The following STAT1 variants were observed in gnomAD, a reference collection of about 807,000 sequenced individuals.
STAT1 encodes the protein signal transducer and activator of transcription 1, also known as signal transducer and activator of transcription 1-alpha/beta.
In STAT1, 24 loss-of-function variants were observed where a neutral mutation model predicts 111.7. That is an observed-to-expected ratio of 0.21 (90% CI 0.16 to 0.30). STAT1 has a LOEUF of 0.30. Among genes scored for constraint, STAT1 ranks in the 10% least tolerant of loss-of-function variants. STAT1 has a pLI of 1.00. For missense variants in STAT1, 351 were observed against 911.9 expected (o/e 0.38, Z 7.92); for synonymous variants, 332 against 326.5 (o/e 1.02, Z -0.18).
rs776782549 is a variant in STAT1, at chr2:190,980,685, C to T, written c.1583-16G>A. The T allele has an allele frequency of 3.1e-6, 5 of 1,613,854 alleles. No individual in the cohort carries two copies. Among genetic ancestry groups the T allele is most frequent in the Admixed American group, 1.7e-5 (1 of 59,990 alleles). ...GCGTTAGGACCTAAACAAATAAAAA[C>T]CAGATTTTTCAGCAAACAGAAACTG... On this transcript the variant is annotated splice_polypyrimidine_tract_variant and intron_variant, in intron 18 of 24. Transcript: ENST00000361099. This position sits in a 1 kb window ranked among gnomAD's most constrained non-coding sequence, Gnocchi z 6.1.
rs1175871769 is a variant in STAT1, at chr2:190,984,029, G to A, written c.1347+281C>T. Among the ~76,000 whole-genome samples the A allele has an allele frequency of 6.6e-6, 1 of 151,520 alleles. No homozygotes were observed. The highest frequency in any genetic ancestry group is 2.4e-5 in the African/African-American group (1 of 41,242). Reference sequence around the variant, plus strand: ...ACAATGAAAACATAAAATGTGGGGGGAGGGCAGAGCAAAATAAATAAGTCC... The same window carrying A: ...ACAATGAAAACATAAAATGTGGGGGAAGGGCAGAGCAAAATAAATAAGTCC... On this transcript the variant is annotated intron_variant, in intron 16 of 24. Transcript: ENST00000361099. This position sits in a 1 kb window ranked among gnomAD's most constrained non-coding sequence, Gnocchi z 5.2.
At position 190,998,014 on chromosome 2, in the gene STAT1, G is replaced by A. The variant is rs968832141; in HGVS notation, c.634-7C>T. 1 of 1,613,740 alleles carries A rather than the reference G, an allele frequency of 6.2e-7. No homozygotes were observed. The highest frequency in any genetic ancestry group is 8.5e-7 in the Non-Finnish European group (1 of 1,179,858). The stretch of plus-strand genomic sequence containing the variant: ...TTATTTTGTGAACTACTTCCTAAAG[G>A]CAATAGAAGAAACAAAGTGAAATAA... On this transcript the variant is annotated splice_region_variant and splice_polypyrimidine_tract_variant and intron_variant, in intron 8 of 24. Transcript: ENST00000361099. The surrounding 1 kb of genome is among the most constrained non-coding windows in gnomAD (Gnocchi z 4.1).
At position 190,999,623 on chromosome 2, in the gene STAT1, T is replaced by C. The variant is rs764122198; in HGVS notation, c.541+3A>G. 7 of 1,612,286 alleles carry C rather than the reference T, an allele frequency of 4.3e-6. No individual in the cohort carries two copies. The highest frequency in any genetic ancestry group is 5.9e-6 in the Non-Finnish European group (7 of 1,178,466). ...GGGCACCACTTCAGTTGTGAACCCT[T>C]ACCTCTGTTCTGCAAGGTTTTGCAT... On this transcript the variant is annotated splice_donor_region_variant and intron_variant, in intron 7 of 24. Transcript: ENST00000361099. The surrounding 1 kb of genome is among the most constrained non-coding windows in gnomAD (Gnocchi z 4.1).
chr2:190,987,035 G>A lies in STAT1; in HGVS notation c.1127+4C>T, dbSNP rs372508550. 1.1e-4 allele frequency: 179 copies of A among 1,610,090 alleles called. No homozygotes were observed. The highest frequency in any genetic ancestry group is 1.4e-4 in the Non-Finnish European group (164 of 1,176,990). On this transcript the variant is annotated splice_donor_region_variant and intron_variant, in intron 13 of 24. Transcript: ENST00000361099. This position sits in a 1 kb window ranked among gnomAD's most constrained non-coding sequence, Gnocchi z 4.0. ...CACAGTATAGCGTAAAGTACGTCAC[G>A]TACCCTTTTACTGTATTTCTCTCAT...
chr2:191,008,854 C>T, intron 4 of STAT1, 109 bp downstream of exon 4: 1 of 1,206,918 alleles, frequency 8.3e-7, no homozygotes, highest in East Asian at 2.5e-5. Context: ...GTCTCTATTA[C>T]TTCTCTAAAT....
In STAT1 at chr2:190,985,916, C is replaced by G. The variant is rs1238610229; in HGVS notation, c.1222-256G>C. Among the ~76,000 whole-genome samples, 4 of 152,336 alleles carry G rather than the reference C, an allele frequency of 2.6e-5. No individual in the cohort carries two copies. In the East Asian group the frequency reaches 7.7e-4, roughly 29 times the overall value. ...AACCCGCTCCTCTCCTGTGTTCAAA[C>G]TTTCCCTGAATGTTTCCCCATGCAC... is the stretch of plus-strand genomic sequence containing the variant. On this transcript the variant is annotated intron_variant, in intron 14 of 24. Transcript: ENST00000361099.
At position 190,969,601 on chromosome 2, in the gene STAT1, G is replaced by C. The variant is rs1217310251; in HGVS notation, c.*1102C>G. 1.3e-5 allele frequency: 2 copies of C among 152,160 alleles called. No individual in the cohort carries two copies. Among genetic ancestry groups the C allele is most frequent in the Non-Finnish European group, 2.9e-5 (2 of 68,008 alleles). The allele number at this position is 152,160 out of a possible 1,614,324, so 9.4% of individuals were successfully genotyped here. On this transcript the variant is annotated 3_prime_UTR_variant, in exon 25 of 25. Transcript: ENST00000361099. Reference sequence around the variant, plus strand: ...TGGAAAAAGTACAGGAGAGAGAATGGAACCATTCGCAAATGTGAAAAACAC... The same window carrying C: ...TGGAAAAAGTACAGGAGAGAGAATGCAACCATTCGCAAATGTGAAAAACAC...
chr2:190,979,590 G>T lies in STAT1; in HGVS notation c.1727+182C>A, dbSNP rs1287083466. Among the ~76,000 whole-genome samples the T allele has an allele frequency of 6.6e-6, 1 of 150,986 alleles. No homozygotes were observed. The highest frequency in any genetic ancestry group is 2.4e-5 in the African/African-American group (1 of 41,060). On this transcript the variant is annotated intron_variant, in intron 20 of 24. Transcript: ENST00000361099. This position sits in a 1 kb window ranked among gnomAD's most constrained non-coding sequence, Gnocchi z 5.8. ...TTGCCAATACATATACTTGTACTAAGAAAGTGTAAGGTTAATGTTATGAGG... is the reference window on the plus strand; with the variant it reads ...TTGCCAATACATATACTTGTACTAATAAAGTGTAAGGTTAATGTTATGAGG...
In STAT1 at chr2:190,976,819, C is replaced by A. The variant is rs777868598; in HGVS notation, c.2059+21G>T. 6 of 1,609,344 alleles carry A rather than the reference C, an allele frequency of 3.7e-6. No individual in the cohort carries two copies. Among genetic ancestry groups the A allele is most frequent in the East Asian group, 4.5e-5 (2 of 44,856 alleles). On this transcript the variant is annotated intron_variant, in intron 22 of 24. Coordinates refer to ENST00000361099, the MANE Select transcript of STAT1 (RefSeq NM_007315.4). The surrounding 1 kb of genome is among the most constrained non-coding windows in gnomAD (Gnocchi z 6.0). ...CAGGAAAGACTGTGCCACGCTGTTA[C>A]CACCTGCTTGCCCCACTTACCTTCC... is the stretch of plus-strand genomic sequence containing the variant.
At chr2:190,972,816 GGTGTGT>G (rs34975356) in intron 24 of STAT1, among the ~76,000 whole-genome samples, 1,664 of 136,402 alleles carry the variant, frequency 0.012, 30 homozygotes, top group African/African-American at 0.04. Flanking sequence ...GTGTATAGAG[GGTGTGT>G]GTGTGTGTGT....
In STAT1 at chr2:190,974,748, C is replaced by T; in HGVS notation, c.2238+82G>A. ...CCAGGGCTCCCTCCCGCAGACAGGC[C>T]CGGGATCTGCCATGGTGCGCTCCCT... On this transcript the variant is annotated intron_variant, in intron 24 of 24. Coordinates refer to ENST00000361099, the MANE Select transcript of STAT1 (RefSeq NM_007315.4). This position sits in a 1 kb window ranked among gnomAD's most constrained non-coding sequence, Gnocchi z 4.8. 7.9e-7 allele frequency: 1 copy of T among 1,269,850 alleles called. No homozygotes were observed. Among genetic ancestry groups the T allele is most frequent in the Admixed American group, 1.7e-5 (1 of 58,370 alleles). 78.7% of individuals were successfully genotyped at this position (1,269,850 alleles called of 1,614,324 possible).
rs1335503966 is a variant in STAT1 at position 190,975,573 on chromosome 2, G to C, written c.2135+239C>G. The C allele has an allele frequency of 1.4e-6, 2 of 1,397,862 alleles. No individual in the cohort carries two copies. Among genetic ancestry groups the C allele is most frequent in the Non-Finnish European group, 1.9e-6 (2 of 1,068,394 alleles). The allele number at this position is 1,397,862 out of a possible 1,614,324, so 86.6% of individuals were successfully genotyped here. Reference sequence around the variant, plus strand: ...CTCATTTTATTTATACTTTTTCAAAGGGTATCAGTTTTGGGAAAATTTATA... The same window carrying C: ...CTCATTTTATTTATACTTTTTCAAACGGTATCAGTTTTGGGAAAATTTATA... On this transcript the variant is annotated intron_variant, in intron 23 of 24. Coordinates refer to ENST00000361099, the MANE Select transcript of STAT1 (RefSeq NM_007315.4). This position sits in a 1 kb window ranked among gnomAD's most constrained non-coding sequence, Gnocchi z 5.9.
chr2:191,013,501 C>G, intron 2 of STAT1, 24 bp downstream of exon 2: 1 of 397,592 alleles, frequency 2.5e-6, no homozygotes, highest in Non-Finnish European at 4.4e-6. Flanking sequence ...ACTCATTCAT[C>G]TGATTCCATG....
At position 191,012,370 on chromosome 2, in the gene STAT1, C is replaced by T. The variant is rs1201892899; in HGVS notation, c.-2+1155G>A. On this transcript the variant is annotated intron_variant, in intron 2 of 24. Transcript: ENST00000361099. The surrounding 1 kb of genome is among the most constrained non-coding windows in gnomAD (Gnocchi z 4.0). ...GGCGGAGGTTGCAGTGAGCTGAGAT[C>T]GCGCCACTGTACTCCAGCCTGGGAG... is the stretch of plus-strand genomic sequence containing the variant. 6.6e-6 allele frequency among the ~76,000 whole-genome samples: 1 copy of T among 151,420 alleles called. No individual in the cohort carries two copies. Among genetic ancestry groups the T allele is most frequent in the Admixed American group, 6.6e-5 (1 of 15,238 alleles).
intron 24 of STAT1, among the ~76,000 whole-genome samples, chr2:190,972,816 G>GGGGTGTGT (rs764237718): frequency 4.4e-5 from 6 of 136,354 alleles, no homozygotes; most frequent in African/African-American, 1.6e-4. Flanking sequence ...GTGTATAGAG[G>GGGGTGTGT]GTGTGTGTGT....
rs1027323921 is a variant in STAT1 at position 190,995,734 on chromosome 2, G to A, written c.786-515C>T. Among the ~76,000 whole-genome samples, 1 of 152,174 alleles carries A rather than the reference G, an allele frequency of 6.6e-6. No homozygotes were observed. Among genetic ancestry groups the A allele is most frequent in the African/African-American group, 2.4e-5 (1 of 41,422 alleles). On this transcript the variant is annotated intron_variant, in intron 9 of 24. Transcript: ENST00000361099. This position sits in a 1 kb window ranked among gnomAD's most constrained non-coding sequence, Gnocchi z 4.2. ...CCCTCTAGGGAAAAACAAAGGGAAC[G>A]AGGCTTGTGCCAGCAGTAGAAGCTT...
At position 190,971,572 on chromosome 2, in the gene STAT1, G is replaced by A. The variant is rs956338377; in HGVS notation, c.2239-855C>T. ...GGCACTAGACTGGAAAGCCTCTGGA[G>A]AACTTTTTTTTAATCCCAAGTGCTC... On this transcript the variant is annotated intron_variant, in intron 24 of 24. Coordinates refer to ENST00000361099, the MANE Select transcript of STAT1 (RefSeq NM_007315.4). This position sits in a 1 kb window ranked among gnomAD's most constrained non-coding sequence, Gnocchi z 4.1. 6.6e-6 allele frequency among the ~76,000 whole-genome samples: 1 copy of A among 152,162 alleles called. No homozygotes were observed. The highest frequency in any genetic ancestry group is 1.5e-5 in the Non-Finnish European group (1 of 68,032).
At position 190,975,031 on chromosome 2, in the gene STAT1, C is replaced by T. The variant is rs1160920359; in HGVS notation, c.2136-99G>A. On this transcript the variant is annotated intron_variant, in intron 23 of 24. Transcript: ENST00000361099. This position sits in a 1 kb window ranked among gnomAD's most constrained non-coding sequence, Gnocchi z 5.9. ...TATCTTTTGTCTGTAATTGAATTATCACGTTATATTTTTATTTTGGGTAAG... is the reference window on the plus strand; with the variant it reads ...TATCTTTTGTCTGTAATTGAATTATTACGTTATATTTTTATTTTGGGTAAG... 1 of 964,808 alleles carries T rather than the reference C, an allele frequency of 1.0e-6. No homozygotes were observed. The highest frequency in any genetic ancestry group is 2.6e-5 in the East Asian group (1 of 38,398). The allele number at this position is 964,808 out of a possible 1,614,324, so 59.8% of individuals were successfully genotyped here.
chr2:191,011,342 C>A (rs141169943), intron 2 of STAT1, among the ~76,000 whole-genome samples: 4 of 152,260 alleles, frequency 2.6e-5, no homozygotes, highest in African/African-American at 4.8e-5. Flanking sequence ...TATGCTGGAC[C>A]GTCAGGCAAT....
Sources: allele counts gnomAD v4.1 joint callset (sites outside exome capture counted in the v4.1 genomes callset), GRCh38; gene constraint gnomAD v4.1.1; non-coding constraint Gnocchi (gnomAD v3.1); transcripts MANE v1.5; gene names NCBI Gene and HGNC (gene_info 2026-07-23, HGNC 2026-07-21).